Variants in CFAP70 observed in about 807,000 individuals in gnomAD.
The protein encoded by CFAP70 is cilia and flagella associated protein 70, also known as cilia- and flagella-associated protein 70.
CFAP70 carries 81 observed loss-of-function variants against 137.6 expected under a neutral mutation model. The observed-to-expected ratio is 0.59, with a 90% CI of 0.49 to 0.71. The LOEUF is 0.71. Ranked by LOEUF, CFAP70 falls within the 30% of genes least tolerant of loss-of-function variation. CFAP70 has a pLI of 0.00. For missense variants in CFAP70, 976 were observed against 1,226.7 expected (o/e 0.80, Z 3.05); for synonymous variants, 382 against 423.6 (o/e 0.90, Z 1.20).
At chr10:73,341,074 G>GGGA (rs1188236457) in intron 6 of CFAP70, among the ~76,000 whole-genome samples, 2 of 152,190 alleles carry the variant, frequency 1.3e-5, no homozygotes, top group Non-Finnish European at 2.9e-5. Context: ...ATGAGATGGG[G>GGGA]AGGAATTAGA....
chr10:73,297,212 C>T (rs373779113), intron 14 of CFAP70, 39 bp from the exon 16 acceptor site: 2 of 1,590,248 alleles, frequency 1.3e-6, no homozygotes, highest in Non-Finnish European at 1.7e-6. Context: ...TAATACAGTC[C>T]AGCACCATGC....
At chr10:73,271,141 C>T (rs1457691486) in intron 24 of CFAP70, among the ~76,000 whole-genome samples, 1 of 152,192 alleles carries the variant, frequency 6.6e-6, no homozygotes. Context: ...GCCTGGGTGA[C>T]AGAGCAAGAT....
At position 73,348,137 on chromosome 10, in the gene CFAP70, G is replaced by C. The variant is rs777573240; in HGVS notation, c.349+286C>G. On this transcript the variant is annotated intron_variant, in intron 4 of 26. Transcript: ENST00000310715. Reference sequence around the variant, plus strand: ...ATTGAATGGCAGGCTGAAATGTTGAGAGCTAAAACTCTGATTACCTTAGCA... The same window carrying C: ...ATTGAATGGCAGGCTGAAATGTTGACAGCTAAAACTCTGATTACCTTAGCA... The C allele has an allele frequency of 4.3e-6, 7 of 1,609,562 alleles. No homozygotes were observed. The highest frequency in any genetic ancestry group is 1.7e-5 in the Admixed American group (1 of 59,992).
chr10:73,355,341 A>C (rs957692000), intron 1 of CFAP70, among the ~76,000 whole-genome samples: 1 of 152,220 alleles, frequency 6.6e-6, no homozygotes, highest in African/African-American at 2.4e-5. Flanking sequence ...TGATGCATGC[A>C]AAGGATCTAG....
intron 12 of CFAP70, among the ~76,000 whole-genome samples, chr10:73,306,379 G>A (rs1396022729): frequency 2.0e-5 from 3 of 152,074 alleles, no homozygotes; most frequent in African/African-American, 4.8e-5. Flanking sequence ...AAACTCATAT[G>A]TCCACACTAA....
chr10:73,350,688 T>C (rs1395589363), intron 3 of CFAP70, among the ~76,000 whole-genome samples: 1 of 152,160 alleles, frequency 6.6e-6, no homozygotes, highest in Non-Finnish European at 1.5e-5. Context: ...ATTATTTTAA[T>C]TCCATGATTT....
exon 27 of CFAP70, chr10:73,253,855 G>T (rs2044195583): frequency 1.5e-6 from 1 of 666,760 alleles, no homozygotes; most frequent in Non-Finnish European, 2.4e-6. Flanking sequence ...ATAAATGAAT[G>T]GGTCTCTGTT....
intron 13 of CFAP70, 99 bp from the exon 15 acceptor site, chr10:73,299,200 A>G (rs1589397673): frequency 2.3e-6 from 2 of 864,682 alleles, no homozygotes; most frequent in East Asian, 2.7e-5. Flanking sequence ...ATGATACTTT[A>G]TTAGTTTGTT....
chr10:73,316,465 T>C (rs983728582), intron 9 of CFAP70, among the ~76,000 whole-genome samples: 1 of 114,484 alleles, frequency 8.7e-6, no homozygotes, highest in African/African-American at 3.5e-5. Context: ...TTTGTTGAGA[T>C]ATATATATAT....
chr10:73,353,449 G>C (rs892027995), intron 3 of CFAP70, 107 bp downstream of exon 3: 2 of 1,040,856 alleles, frequency 1.9e-6, no homozygotes, highest in East Asian at 2.4e-5. Flanking sequence ...TCTTTCTCAT[G>C]ATTTTAGTTA....
At chr10:73,299,528 A>G in intron 13 of CFAP70, 77 bp downstream of exon 14, 1 of 1,204,652 alleles carries the variant, frequency 8.3e-7, no homozygotes, top group Non-Finnish European at 1.2e-6. Context: ...AAGACATATT[A>G]AAGAGTCCAT....
intron 11 of CFAP70, among the ~76,000 whole-genome samples, chr10:73,311,283 T>C (rs7073606): frequency 0.11 from 16,084 of 152,254 alleles, 1,225 homozygotes; most frequent in East Asian, 0.3. Flanking sequence ...TCTCAAGCTG[T>C]TCCCTGGCTC....
chr10:73,359,956 C>T (rs1016004719), upstream of CFAP70, among the ~76,000 whole-genome samples: 24 of 152,124 alleles, frequency 1.6e-4, no homozygotes, highest in African/African-American at 5.8e-4. Flanking sequence ...ATGAAAGGAA[C>T]TCAGGTTGTA....
chr10:73,276,782 T>C (rs1414479902), intron 21 of CFAP70: 1 of 152,402 alleles, frequency 6.6e-6, no homozygotes, highest in Admixed American at 6.5e-5. Context: ...TACCTGTGAC[T>C]GCATGGGTAA....
exon 15 of CFAP70, chr10:73,297,140 A>C: frequency 6.2e-7 from 1 of 1,613,692 alleles, no homozygotes; most frequent in East Asian, 2.2e-5. Flanking sequence ...GTTGTCTTCA[A>C]GTATTTATCT....
At chr10:73,341,014 A>G (rs2053203117) in intron 6 of CFAP70, among the ~76,000 whole-genome samples, 4 of 152,190 alleles carry the variant, frequency 2.6e-5, no homozygotes, top group Admixed American at 2.6e-4. Context: ...AGCCAGCATC[A>G]TGGCAGGAGC....
chr10:73,308,188 C>A (rs1414572897), intron 12 of CFAP70, among the ~76,000 whole-genome samples: 25 of 151,634 alleles, frequency 1.6e-4, no homozygotes, highest in Admixed American at 1.6e-3. Context: ...ATTTGAACAA[C>A]CCTATAAACC....
At chr10:73,299,804 G>T in intron 12 of CFAP70, 139 bp from the exon 14 acceptor site, 1 of 589,882 alleles carries the variant, frequency 1.7e-6, no homozygotes, top group Non-Finnish European at 2.9e-6. Context: ...TGAGCACTGT[G>T]CTGTTCTCTC....
At chr10:73,309,819 G>A (rs1046785221) in intron 12 of CFAP70, among the ~76,000 whole-genome samples, 3 of 151,732 alleles carry the variant, frequency 2.0e-5, no homozygotes, top group African/African-American at 7.3e-5. Flanking sequence ...GCCATGCCCG[G>A]CTAATTTTTT....
Sources: gnomAD v4.1 joint callset for allele counts (sites outside exome capture counted in the v4.1 genomes callset) on GRCh38, gnomAD v4.1.1 for gene constraint, MANE v1.5 for transcripts, NCBI Gene and HGNC (gene_info 2026-07-23, HGNC 2026-07-21) for gene names.